TMEM163: variants seen among roughly 807,000 people sequenced by gnomAD.
The protein encoded by TMEM163 is transmembrane protein 163.
A neutral mutation model predicts 29.3 loss-of-function variants in TMEM163; 17 were observed. That is an observed-to-expected ratio of 0.58 (90% confidence interval 0.40 to 0.87). The LOEUF is 0.87. Among genes scored for constraint, TMEM163 ranks in the 40% least tolerant of loss-of-function variants. TMEM163 has a pLI of 0.00. For missense variants in TMEM163, 303 were observed against 381.5 expected (o/e 0.79, Z 1.71); for synonymous variants, 157 against 160.6 (o/e 0.98, Z 0.17).
intron 2 of TMEM163, among the ~76,000 whole-genome samples, chr2:134,675,364 C>A (rs1014611625): frequency 6.6e-6 from 1 of 152,146 alleles, no homozygotes; most frequent in South Asian, 2.1e-4. Flanking sequence ...GAATTTATAT[C>A]TGGGTTTAAA....
chr2:134,535,119 A>T (rs1279953250), intron 4 of TMEM163, among the ~76,000 whole-genome samples: 1 of 152,346 alleles, frequency 6.6e-6, no homozygotes, highest in East Asian at 1.9e-4. Context: ...CTATAGAAAC[A>T]TGGTTTTTCC....
At chr2:134,685,427 G>A (rs926413610) in intron 2 of TMEM163, among the ~76,000 whole-genome samples, 44 of 152,212 alleles carry the variant, frequency 2.9e-4, no homozygotes, top group African/African-American at 8.4e-4. Context: ...TTTATCATGA[G>A]CAGTTTTGGG....
At chr2:134,650,504 TTTTTTTTG>T (rs1226190903) in intron 2 of TMEM163, among the ~76,000 whole-genome samples, 1 of 97,504 alleles carries the variant, frequency 1.0e-5, no homozygotes, top group African/African-American at 5.3e-5. Flanking sequence ...CTTCTATTTC[TTTTTTTTG>T]TTTGTTTGTT....
chr2:134,458,264 C>T lies in TMEM163; in HGVS notation c.668-91G>A. The T allele has an allele frequency of 2.7e-6, 4 of 1,497,268 alleles. No homozygotes were observed. In the Admixed American group the frequency reaches 7.2e-5, roughly 27 times the overall value. 92.7% of individuals were successfully genotyped at this position (1,497,268 alleles called of 1,614,324 possible). A position where few individuals can be genotyped will look rare whatever the true frequency, so the allele number is the denominator to read the frequency against. Reference sequence around the variant, plus strand: ...CAGTCCTGCCTCCACGTAACTGGAGCATGTGCTGGGAGGAATGATGCCCAA... The same window carrying T: ...CAGTCCTGCCTCCACGTAACTGGAGTATGTGCTGGGAGGAATGATGCCCAA... On this transcript the variant is annotated intron_variant, in intron 6 of 7. Coordinates refer to ENST00000281924, the MANE Select transcript of TMEM163 (RefSeq NM_030923.5).
intron 2 of TMEM163, among the ~76,000 whole-genome samples, chr2:134,556,656 C>CA (rs148606005): frequency 6.6e-6 from 1 of 151,854 alleles, no homozygotes; most frequent in Non-Finnish European, 1.5e-5. Context: ...CTCATCTCTA[C>CA]AAAAAAATTT....
intron 2 of TMEM163, among the ~76,000 whole-genome samples, chr2:134,642,981 C>T (rs940478627): frequency 1.3e-5 from 2 of 151,606 alleles, no homozygotes; most frequent in African/African-American, 4.8e-5. Flanking sequence ...ATAAGCATGG[C>T]AAGCAGAAGC....
At chr2:134,503,130 AC>A (rs2106487450) in intron 4 of TMEM163, 133 bp from the exon 5 acceptor site, 1 of 781,514 alleles carries the variant, frequency 1.3e-6, no homozygotes, top group East Asian at 2.7e-5. Context: ...CAGGGTGACC[AC>A]CCACAGTCCA....
At chr2:134,675,070 T>C (rs1242302584) in intron 2 of TMEM163, among the ~76,000 whole-genome samples, 1 of 152,246 alleles carries the variant, frequency 6.6e-6, no homozygotes, top group Non-Finnish European at 1.5e-5. Flanking sequence ...TCTCTGTTTC[T>C]TATTCAGGTT....
At chr2:134,505,099 A>G (rs1679790749) in intron 4 of TMEM163, among the ~76,000 whole-genome samples, 1 of 152,036 alleles carries the variant, frequency 6.6e-6, no homozygotes, top group African/African-American at 2.4e-5. Context: ...TAAGTTTCGC[A>G]ATGTGGTCCT....
At chr2:134,588,984 C>T (rs969875594) in intron 2 of TMEM163, among the ~76,000 whole-genome samples, 4 of 152,000 alleles carry the variant, frequency 2.6e-5, no homozygotes, top group Admixed American at 6.6e-5. Context: ...AGGGAATAGG[C>T]GATACCCCTC....
At chr2:134,655,935 C>T (rs2104852892) in intron 2 of TMEM163, among the ~76,000 whole-genome samples, 1 of 142,778 alleles carries the variant, frequency 7.0e-6, no homozygotes, top group South Asian at 2.2e-4. Flanking sequence ...GCTGGGAGAA[C>T]CACTGCTCTC....
Position 134,674,486 on chromosome 2 carries a change from GGCGCGCGC to G in TMEM163, c.322+38706_322+38713del, listed in dbSNP as rs752979552. On this transcript the variant is annotated intron_variant, in intron 2 of 7. Transcript: ENST00000281924. ...AGCCTCCCAAGTAGCTGGGACTACAGGCGCGCGCGCGCGCGCGCGCGCGCTACCATATC... is the reference window on the plus strand; with the variant it reads ...AGCCTCCCAAGTAGCTGGGACTACAGGCGCGCGCGCGCGCGCTACCATATC... 7.6e-3 allele frequency among the ~76,000 whole-genome samples: 700 copies of G among 91,586 alleles called. 12 individuals are homozygous for G. The highest frequency in any genetic ancestry group is 0.033 in the African/African-American group (648 of 19,350). The allele number at this position is 91,586 out of a possible 152,430, so 60.1% of individuals were successfully genotyped here.
chr2:134,683,611 T>C (rs1684293381), intron 2 of TMEM163, among the ~76,000 whole-genome samples: 1 of 152,174 alleles, frequency 6.6e-6, no homozygotes, highest in Non-Finnish European at 1.5e-5. Context: ...GCTGACTAAA[T>C]CCATAATAAG....
At chr2:134,679,325 G>T (rs1019733706) in intron 2 of TMEM163, among the ~76,000 whole-genome samples, 1 of 152,224 alleles carries the variant, frequency 6.6e-6, no homozygotes. Flanking sequence ...TCATGTGTTT[G>T]TTCCATGACT....
At chr2:134,606,599 C>T (rs920989959) in intron 2 of TMEM163, among the ~76,000 whole-genome samples, 4 of 152,138 alleles carry the variant, frequency 2.6e-5, no homozygotes, top group South Asian at 2.1e-4. Flanking sequence ...AGAGGAGCTG[C>T]GCGAAGACAG....
At chr2:134,520,443 G>A (rs1015470713) in intron 4 of TMEM163, among the ~76,000 whole-genome samples, 20 of 152,208 alleles carry the variant, frequency 1.3e-4, no homozygotes, top group South Asian at 2.1e-4. Context: ...AGCAGGGTAT[G>A]ACCTCAGGTA....
intron 2 of TMEM163, among the ~76,000 whole-genome samples, chr2:134,614,208 C>G (rs549327111): frequency 2.0e-5 from 3 of 152,092 alleles, no homozygotes; most frequent in African/African-American, 7.2e-5. Flanking sequence ...GATGCAAAAG[C>G]AATTCAATGG....
chr2:134,489,905 G>T (rs552938929), intron 5 of TMEM163, among the ~76,000 whole-genome samples: 1 of 152,178 alleles, frequency 6.6e-6, no homozygotes. Context: ...GGGATTCCCC[G>T]AAAGATGAAC....
At chr2:134,618,126 GA>G (rs887895274) in intron 2 of TMEM163, among the ~76,000 whole-genome samples, 4 of 151,130 alleles carry the variant, frequency 2.6e-5, no homozygotes, top group Non-Finnish European at 5.9e-5. Context: ...AAAAAATAAT[GA>G]AAAAAAAGGC....
Sources: gnomAD v4.1 joint callset for allele counts (sites outside exome capture counted in the v4.1 genomes callset) on GRCh38, gnomAD v4.1.1 for gene constraint, MANE v1.5 for transcripts, NCBI Gene and HGNC (gene_info 2026-07-23, HGNC 2026-07-21) for gene names.